DAB1: variants seen among roughly 807,000 people sequenced by gnomAD.
DAB1 encodes the protein DAB adaptor protein 1.
A neutral mutation model predicts 64.6 loss-of-function variants in DAB1; 15 were observed. The ratio of observed to expected loss-of-function variants is 0.23; its 90% CI spans 0.16 to 0.36. The LOEUF is 0.36. Among genes scored for constraint, DAB1 ranks in the 10% least tolerant of loss-of-function variants. DAB1 has a pLI of 1.00. For synonymous variants in DAB1, 235 were observed against 251.9 expected (o/e 0.93, Z 0.64); for missense variants, 596 against 706.7 (o/e 0.84, Z 1.78).
chr1:57,895,199 A>T (rs915917915), intron 5 of DAB1, among the ~76,000 whole-genome samples: 5 of 152,182 alleles, frequency 3.3e-5, no homozygotes, highest in African/African-American at 9.7e-5. Context: ...GCCAACACTT[A>T]TGTAGCGCGT....
chr1:58,449,272 C>T (rs1185892713), intron 3 of DAB1, among the ~76,000 whole-genome samples: 5 of 152,192 alleles, frequency 3.3e-5, no homozygotes, highest in African/African-American at 1.2e-4. Flanking sequence ...GACTTGGGTC[C>T]TCTTGGACTT....
Position 57,223,206 on chromosome 1 carries a change from G to T in DAB1, c.67+67758C>A, listed in dbSNP as rs12567967. Among the ~76,000 whole-genome samples, 1,158 of 152,314 alleles carry T rather than the reference G, an allele frequency of 7.6e-3. 30 individuals carry two copies. In the East Asian group the frequency reaches 0.081, roughly 11 times the overall value. ...AGATGTATGATCAATGTGGTCATTT[G>T]TTAGAAAACCAGGAGAGGGGAGGGA... On this transcript the variant is annotated intron_variant, in intron 2 of 14. Coordinates refer to ENST00000371236, the MANE Select transcript of DAB1 (RefSeq NM_001365792.1).
intron 1 of DAB1, among the ~76,000 whole-genome samples, chr1:57,877,707 C>T (rs1418772750): frequency 1.2e-5 from 1 of 83,090 alleles, no homozygotes; most frequent in Non-Finnish European, 2.4e-5. Context: ...ACTACAGGCG[C>T]CCACCACCGC....
intron 4 of DAB1, among the ~76,000 whole-genome samples, chr1:58,164,405 A>T (rs1239113668): frequency 1.3e-5 from 2 of 152,202 alleles, no homozygotes; most frequent in African/African-American, 4.8e-5. Context: ...GAACATATCA[A>T]AATAGCTGAT....
intron 4 of DAB1, among the ~76,000 whole-genome samples, chr1:58,313,850 TGTGTGTGA>T (rs1420841260): frequency 1.4e-4 from 20 of 145,272 alleles, no homozygotes; most frequent in East Asian, 1.1e-3. Context: ...TGTGTGTGTG[TGTGTGTGA>T]GAGAGAGAGA....
chr1:58,048,299 T>C (rs529783801), intron 5 of DAB1: 156 of 1,235,442 alleles, frequency 1.3e-4, no homozygotes, highest in Admixed American at 4.0e-4. Flanking sequence ...GCCTCCAAAA[T>C]CTCCCCCCTT....
intron 6 of DAB1, among the ~76,000 whole-genome samples, chr1:57,703,216 C>T (rs189101889): frequency 2.0e-5 from 3 of 152,218 alleles, no homozygotes; most frequent in African/African-American, 4.8e-5. Context: ...AAGAGTTCTA[C>T]ATAGCAAAAT....
intron 4 of DAB1, among the ~76,000 whole-genome samples, chr1:58,190,524 C>G (rs1657329280): frequency 6.6e-6 from 1 of 152,152 alleles, no homozygotes; most frequent in Non-Finnish European, 1.5e-5. Context: ...TGTCTCCTTT[C>G]CTGAATTCTT....
intron 2 of DAB1, among the ~76,000 whole-genome samples, chr1:57,205,648 A>T (rs547486033): frequency 3.9e-5 from 6 of 152,342 alleles, no homozygotes; most frequent in Admixed American, 1.3e-4. Flanking sequence ...TAGGCTAGGT[A>T]TTATTTCTCT....
At chr1:57,707,013 G>T (rs1424740986) in intron 6 of DAB1, among the ~76,000 whole-genome samples, 1 of 152,080 alleles carries the variant, frequency 6.6e-6, no homozygotes, top group Non-Finnish European at 1.5e-5. Context: ...AGTGGAGGTT[G>T]CAGTGAGCCG....
intron 5 of DAB1, among the ~76,000 whole-genome samples, chr1:57,899,650 C>G (rs1480939316): frequency 2.0e-5 from 3 of 151,960 alleles, no homozygotes; most frequent in Non-Finnish European, 4.4e-5. Context: ...CATCAAACAA[C>G]AAGGATTCCT....
intron 9 of DAB1, among the ~76,000 whole-genome samples, chr1:57,041,242 T>G (rs1174155510): frequency 1.3e-5 from 2 of 152,252 alleles, no homozygotes; most frequent in African/African-American, 4.8e-5. Context: ...TTCTTCATTC[T>G]TGGATTTGAT....
chr1:58,156,651 A>G (rs1005157459), intron 4 of DAB1, among the ~76,000 whole-genome samples: 1 of 152,148 alleles, frequency 6.6e-6, no homozygotes, highest in African/African-American at 2.4e-5. Flanking sequence ...TTTTTTGTGT[A>G]AGGCAAGATC....
intron 7 of DAB1, among the ~76,000 whole-genome samples, chr1:57,500,150 G>A (rs987386535): frequency 2.0e-5 from 3 of 152,208 alleles, no homozygotes; most frequent in African/African-American, 7.2e-5. Flanking sequence ...CTGAATGAGA[G>A]ATGTGGTCAT....
chr1:58,072,095 T>C (rs866158769), intron 5 of DAB1, among the ~76,000 whole-genome samples: 1 of 77,446 alleles, frequency 1.3e-5, no homozygotes. Flanking sequence ...TGGGGGGGGG[T>C]GGGTAGTAGG....
intron 2 of DAB1, among the ~76,000 whole-genome samples, chr1:57,224,718 G>A (rs1482646388): frequency 6.6e-6 from 1 of 152,222 alleles, no homozygotes; most frequent in East Asian, 1.9e-4. Flanking sequence ...CTGGCATAGA[G>A]CTTCCAAATC....
chr1:57,601,901 C>A (rs1645579884), intron 7 of DAB1, among the ~76,000 whole-genome samples: 2 of 152,094 alleles, frequency 1.3e-5, no homozygotes, highest in Non-Finnish European at 2.9e-5. Context: ...CATGTGTCAT[C>A]ATCTTTCATG....
chr1:57,888,559 C>T (rs915977509), upstream of DAB1, among the ~76,000 whole-genome samples: 2 of 152,112 alleles, frequency 1.3e-5, no homozygotes, highest in African/African-American at 4.8e-5. Context: ...AAAAAAGAAA[C>T]AAAATGTGCT....
At chr1:57,186,220 T>G (rs568381667) in intron 2 of DAB1, among the ~76,000 whole-genome samples, 3 of 152,276 alleles carry the variant, frequency 2.0e-5, no homozygotes, top group Admixed American at 1.3e-4. Flanking sequence ...GTAAATTCTC[T>G]CCAATATGTA....
Sources: allele counts gnomAD v4.1 joint callset (sites outside exome capture counted in the v4.1 genomes callset), GRCh38; gene constraint gnomAD v4.1.1; transcripts MANE v1.5; gene names NCBI Gene and HGNC (gene_info 2026-07-23, HGNC 2026-07-21).